Variants in RNLS observed in about 807,000 individuals in gnomAD.
The protein encoded by RNLS is renalase, FAD dependent amine oxidase.
Under a neutral mutation model 39.8 loss-of-function variants are expected in RNLS, and 39 were observed. That is an observed-to-expected ratio of 0.98 (90% CI 0.76 to 1.28). The LOEUF (loss-of-function observed/expected upper bound fraction) is 1.28. Ranked by LOEUF, RNLS falls within the 50% of genes most tolerant of loss-of-function variation. RNLS has a pLI of 0.00. For missense variants in RNLS, 410 were observed against 413.3 expected (o/e 0.99, Z 0.07); for synonymous variants, 147 against 150.7 (o/e 0.98, Z 0.18).
At chr10:88,270,042 A>T (rs1028725071), downstream of RNLS, among the ~76,000 whole-genome samples, 1 of 152,098 alleles carries the variant, frequency 6.6e-6, no homozygotes, top group African/African-American at 2.4e-5. Context: ...CACTTGTCTA[A>T]CCAAACCCTT....
chr10:88,350,227 T>A (rs1042282378), intron 5 of RNLS, among the ~76,000 whole-genome samples: 1 of 151,912 alleles, frequency 6.6e-6, no homozygotes, highest in Non-Finnish European at 1.5e-5. Context: ...TTTTTTTTTT[T>A]AATATGTATA....
chr10:88,524,998 T>C (rs183697886), intron 4 of RNLS, among the ~76,000 whole-genome samples: 2,548 of 104,362 alleles, frequency 0.024, 140 homozygotes, highest in East Asian at 0.16. Flanking sequence ...TATATATATA[T>C]ACACACACAC....
chr10:88,187,576 G>A, the RNLS span, among the ~76,000 whole-genome samples: 12 of 152,106 alleles, frequency 7.9e-5, no homozygotes, highest in South Asian at 2.1e-4. Context: ...TTGAAAGTAC[G>A]TGCACCAAGA....
chr10:88,513,034 A>G (rs1846217125), intron 4 of RNLS, among the ~76,000 whole-genome samples: 1 of 152,130 alleles, frequency 6.6e-6, no homozygotes, highest in African/African-American at 2.4e-5. Flanking sequence ...TTATGTTTTT[A>G]AACTCTACCT....
At chr10:88,356,914 A>G (rs1849237755) in intron 5 of RNLS, among the ~76,000 whole-genome samples, 1 of 152,138 alleles carries the variant, frequency 6.6e-6, no homozygotes, top group Non-Finnish European at 1.5e-5. Context: ...TTGATCATTA[A>G]CACTCCTCAG....
intron 4 of RNLS, among the ~76,000 whole-genome samples, chr10:88,495,874 TG>T (rs1200301287): frequency 6.6e-6 from 1 of 152,074 alleles, no homozygotes; most frequent in East Asian, 1.9e-4. Context: ...AGGATTTTGG[TG>T]AGTGTCAGGT....
intron 4 of RNLS, among the ~76,000 whole-genome samples, chr10:88,558,247 T>C (rs1848979135): frequency 6.6e-6 from 1 of 152,176 alleles, no homozygotes. Flanking sequence ...GATTCCATAA[T>C]TGGTTCTACC....
intron 5 of RNLS, among the ~76,000 whole-genome samples, chr10:88,351,468 A>C (rs1247217242): frequency 1.3e-5 from 2 of 152,138 alleles, no homozygotes; most frequent in African/African-American, 4.8e-5. Flanking sequence ...TTTTCCCAGC[A>C]CCATTTGTTA....
chr10:88,555,796 A>T (rs1445069930), intron 4 of RNLS, among the ~76,000 whole-genome samples: 1 of 152,072 alleles, frequency 6.6e-6, no homozygotes, highest in East Asian at 1.9e-4. Context: ...ATGGGACAAC[A>T]TACATGTTTG....
intron 4 of RNLS, among the ~76,000 whole-genome samples, chr10:88,524,515 T>A (rs1169852666): frequency 6.6e-6 from 1 of 152,128 alleles, no homozygotes; most frequent in Non-Finnish European, 1.5e-5. Flanking sequence ...CAAAATAACT[T>A]AACTCTGTTA....
chr10:88,240,590 C>CT, the RNLS span, among the ~76,000 whole-genome samples: 25,188 of 152,024 alleles, frequency 0.17, 2,308 homozygotes, highest in South Asian at 0.23. Context: ...ATAATAGACT[C>CT]TTTTCTCTTC....
intron 4 of RNLS, among the ~76,000 whole-genome samples, chr10:88,495,397 G>C (rs1845108757): frequency 6.6e-6 from 1 of 152,088 alleles, no homozygotes; most frequent in South Asian, 2.1e-4. Flanking sequence ...TGACAAGGAG[G>C]CTTTGGGTCT....
chr10:88,265,748 T>G, the RNLS span, among the ~76,000 whole-genome samples: 1 of 152,204 alleles, frequency 6.6e-6, no homozygotes, highest in Non-Finnish European at 1.5e-5. Flanking sequence ...TAGGAGCTTT[T>G]TGGAGAAGTC....
At chr10:88,240,659 A>C in the RNLS span, among the ~76,000 whole-genome samples, 1 of 151,990 alleles carries the variant, frequency 6.6e-6, no homozygotes, top group Non-Finnish European at 1.5e-5. Context: ...TTCCCTCTTA[A>C]TTATTACTGA....
intron 4 of RNLS, among the ~76,000 whole-genome samples, chr10:88,447,109 G>C (rs551494696): frequency 6.6e-6 from 1 of 152,298 alleles, no homozygotes. Flanking sequence ...GCACACGACA[G>C]GGATGTCCTC....
At chr10:88,549,373 A>C (rs552477800) in intron 4 of RNLS, among the ~76,000 whole-genome samples, 4 of 151,902 alleles carry the variant, frequency 2.6e-5, no homozygotes, top group Admixed American at 6.6e-5. Context: ...TGGGCAACAC[A>C]GCAAAACCCT....
the RNLS span, among the ~76,000 whole-genome samples, chr10:88,234,776 G>C: frequency 3.3e-5 from 5 of 152,128 alleles, no homozygotes; most frequent in Admixed American, 1.3e-4. Context: ...ATTGTCAGAG[G>C]GGTAAAAGTC....
intron 4 of RNLS, among the ~76,000 whole-genome samples, chr10:88,525,019 T>C: frequency 7.4e-6 from 1 of 135,854 alleles, no homozygotes; most frequent in Non-Finnish European, 1.6e-5. Context: ...ACATACTATG[T>C]ACCCACAAAA....
At chr10:88,236,699 C>T in the RNLS span, among the ~76,000 whole-genome samples, 1 of 152,264 alleles carries the variant, frequency 6.6e-6, no homozygotes, top group Admixed American at 6.5e-5. Flanking sequence ...ATTTATTGAA[C>T]AAATAGGTAT....
Sources: gnomAD v4.1 joint callset for allele counts (sites outside exome capture counted in the v4.1 genomes callset) on GRCh38, gnomAD v4.1.1 for gene constraint, MANE v1.5 for transcripts, NCBI Gene and HGNC (gene_info 2026-07-23, HGNC 2026-07-21) for gene names.